Variants in LMLN observed in about 807,000 individuals in gnomAD.
The protein encoded by LMLN is leishmanolysin like peptidase.
A neutral mutation model predicts 92.3 loss-of-function variants in LMLN; 70 were observed. That is an observed-to-expected ratio of 0.76 (90% CI 0.63 to 0.92). The LOEUF (loss-of-function observed/expected upper bound fraction) is 0.92. LMLN is among the 40% of genes least tolerant of loss of function. The pLI is 0.00. For missense variants in LMLN, 691 were observed against 814.6 expected, an observed-to-expected ratio of 0.85 and a Z score of 1.85; for synonymous variants, 308 against 296.2, an observed-to-expected ratio of 1.04 and a Z score of -0.41.
chr3:198,033,424 CTT>C (rs1174418198), intron 14 of LMLN, among the ~76,000 whole-genome samples: 1 of 147,812 alleles, frequency 6.8e-6, no homozygotes, highest in African/African-American at 2.5e-5. Flanking sequence ...TTTTTATTAT[CTT>C]TTTTTTTTGA....
intron 14 of LMLN, among the ~76,000 whole-genome samples, chr3:198,034,997 C>T (rs997552250): frequency 2.6e-5 from 4 of 152,078 alleles, no homozygotes; most frequent in African/African-American, 9.7e-5. Context: ...GAGTTCGAGA[C>T]CAGCCTAGGC....
chr3:198,034,033 A>G (rs1188498697), intron 14 of LMLN, among the ~76,000 whole-genome samples: 1 of 152,280 alleles, frequency 6.6e-6, no homozygotes, highest in African/African-American at 2.4e-5. Context: ...TGGTAGTTTA[A>G]TAGTCACCTA....
At chr3:197,961,605 G>A (rs1720888743) in intron 1 of LMLN, among the ~76,000 whole-genome samples, 1 of 152,002 alleles carries the variant, frequency 6.6e-6, no homozygotes, top group Admixed American at 6.6e-5. Flanking sequence ...TCCCTAATAC[G>A]TTTCGCTAGT....
chr3:197,966,763 C>G (rs1473921369), intron 1 of LMLN, among the ~76,000 whole-genome samples: 2 of 151,960 alleles, frequency 1.3e-5, no homozygotes, highest in Admixed American at 6.6e-5. Context: ...GTTTGAGTTG[C>G]TCATATTTTG....
intron 1 of LMLN, among the ~76,000 whole-genome samples, chr3:197,973,497 C>T (rs1344373711): frequency 2.0e-5 from 3 of 152,076 alleles, no homozygotes; most frequent in Non-Finnish European, 4.4e-5. Context: ...CTGCCTCGGC[C>T]TCCCAAAGTC....
rs557927490 is a variant in LMLN at position 198,020,743 on chromosome 3, G to A, written c.1366-703G>A. ...CAAGTAGCTGGGACTACAGGTGTGC[G>A]CCACCACACCCAGCTAATTTTTGTA... On this transcript the variant is annotated intron_variant, in intron 12 of 15. Transcript: ENST00000330198. 5.1e-3 allele frequency among the ~76,000 whole-genome samples: 721 copies of A among 141,116 alleles called. 8 individuals are homozygous for A. Among genetic ancestry groups the A allele is most frequent in the African/African-American group, 0.019 (687 of 36,928 alleles). The allele number at this position is 141,116 out of a possible 152,430, so 92.6% of individuals were successfully genotyped here.
intron 10 of LMLN, among the ~76,000 whole-genome samples, chr3:197,997,725 A>G (rs1722067545): frequency 6.6e-6 from 1 of 152,200 alleles, no homozygotes; most frequent in African/African-American, 2.4e-5. Flanking sequence ...TCCTTGTTAT[A>G]CTGATGCCAT....
intron 14 of LMLN, among the ~76,000 whole-genome samples, chr3:198,026,335 T>C (rs1722931371): frequency 6.6e-6 from 1 of 152,096 alleles, no homozygotes; most frequent in African/African-American, 2.4e-5. Flanking sequence ...TTTTCCTCTT[T>C]TGAGACAGGG....
intron 10 of LMLN, among the ~76,000 whole-genome samples, chr3:197,996,721 T>C (rs189584546): frequency 1.3e-5 from 2 of 152,204 alleles, no homozygotes; most frequent in African/African-American, 4.8e-5. Flanking sequence ...TAAAAAGACA[T>C]CAGATTTTCA....
chr3:197,962,028 T>C (rs568164137), intron 1 of LMLN, among the ~76,000 whole-genome samples: 1 of 152,262 alleles, frequency 6.6e-6, no homozygotes, highest in South Asian at 2.1e-4. Context: ...AATTTACATA[T>C]ATTGAAATGC....
At chr3:197,990,484 C>T (rs1318168157) in intron 8 of LMLN, 75 bp from the exon 9 acceptor site, 2 of 636,682 alleles carry the variant, frequency 3.1e-6, no homozygotes, top group Admixed American at 2.7e-5. Context: ...AGACTTTTTA[C>T]AGTAAATGTA....
At chr3:197,987,248 C>T (rs1055430005) in intron 8 of LMLN, among the ~76,000 whole-genome samples, 1 of 151,606 alleles carries the variant, frequency 6.6e-6, no homozygotes, top group African/African-American at 2.4e-5. Flanking sequence ...CCAGCTCCGC[C>T]TCCTGGGTTC....
chr3:197,976,426 A>G lies in LMLN; in HGVS notation c.432-172A>G, dbSNP rs1581135584. 4 of 534,200 alleles carry G rather than the reference A, an allele frequency of 7.5e-6. No homozygotes were observed. The East Asian group carries it at 1.2e-4, about 16-fold the overall frequency. The allele number at this position is 534,200 out of a possible 1,614,324, so 33.1% of individuals were successfully genotyped here. On this transcript the variant is annotated intron_variant, in intron 4 of 15. Transcript: ENST00000330198. The stretch of plus-strand genomic sequence containing the variant: ...AAGTATTTGGGTGTTTAAAAACCCA[A>G]ATCAAGAGGATTTCCTATAGAACCC...
intron 6 of LMLN, among the ~76,000 whole-genome samples, chr3:197,981,832 T>A (rs1008177733): frequency 6.6e-6 from 1 of 150,514 alleles, no homozygotes; most frequent in Non-Finnish European, 1.5e-5. Context: ...GGAGACATAG[T>A]CTCGCTCTGT....
intron 1 of LMLN, among the ~76,000 whole-genome samples, chr3:197,964,890 C>T (rs544781124): frequency 3.3e-5 from 5 of 151,716 alleles, no homozygotes; most frequent in Admixed American, 2.6e-4. Flanking sequence ...ACTTTTAATC[C>T]CAGCTACTCT....
intron 12 of LMLN, among the ~76,000 whole-genome samples, chr3:198,021,217 A>G (rs1193071569): frequency 2.0e-5 from 3 of 152,188 alleles, no homozygotes. Context: ...ATGATATATA[A>G]CTTAAGACTC....
chr3:197,970,156 A>C (rs2109848442), intron 1 of LMLN, among the ~76,000 whole-genome samples: 1 of 152,198 alleles, frequency 6.6e-6, no homozygotes, highest in South Asian at 2.1e-4. Flanking sequence ...TCTCAAAAAA[A>C]CCCAAAATAA....
At chr3:198,015,940 C>T (rs1319171233) in intron 11 of LMLN, among the ~76,000 whole-genome samples, 2 of 152,066 alleles carry the variant, frequency 1.3e-5, no homozygotes, top group African/African-American at 4.8e-5. Context: ...TGTGGTGGCT[C>T]ATACCTGTAA....
At chr3:198,009,949 GAT>G (rs1490413821) in intron 11 of LMLN, among the ~76,000 whole-genome samples, 1 of 152,020 alleles carries the variant, frequency 6.6e-6, no homozygotes, top group Non-Finnish European at 1.5e-5. Flanking sequence ...GGTCTGTTGT[GAT>G]ATCTCTTTTC....
Sources: allele counts gnomAD v4.1 joint callset (sites outside exome capture counted in the v4.1 genomes callset), GRCh38; gene constraint gnomAD v4.1.1; transcripts MANE v1.5; gene names NCBI Gene and HGNC (gene_info 2026-07-23, HGNC 2026-07-21).